Variants in SPPL3 observed in about 807,000 individuals in gnomAD.
SPPL3 encodes the protein signal peptide peptidase like 3, also known as signal peptide peptidase-like 3.
A neutral mutation model predicts 42.4 loss-of-function variants in SPPL3; 5 were observed. The observed-to-expected ratio is 0.12, with a 90% CI of 0.06 to 0.25. The LOEUF is 0.25. Among genes scored for constraint, SPPL3 ranks in the 10% least tolerant of loss-of-function variants. The probability of loss-of-function intolerance (pLI) is 1.00; values close to 1 mark genes in which losing one functional copy is unlikely to be tolerated. For synonymous variants in SPPL3, 195 were observed against 181.8 expected (o/e 1.07, Z -0.58); for missense variants, 235 against 489.0 (o/e 0.48, Z 4.90).
In SPPL3 at chr12:120,845,680, C is replaced by T. The variant is rs148203916; in HGVS notation, c.24-34794G>A. Reference sequence around the variant, plus strand: ...CCATGCTTGTGGACAGGTGGAAGGACGCTGGGAAGGGTACCTCAGTGGCTG... The same window carrying T: ...CCATGCTTGTGGACAGGTGGAAGGATGCTGGGAAGGGTACCTCAGTGGCTG... On this transcript the variant is annotated intron_variant, in intron 1 of 10. Coordinates refer to ENST00000353487, the MANE Select transcript of SPPL3 (RefSeq NM_139015.5). 99 of 317,008 alleles carry T rather than the reference C, an allele frequency of 3.1e-4. No homozygotes were observed. The East Asian group carries it at 6.6e-3, about 21-fold the overall frequency. 19.6% of individuals were successfully genotyped at this position (317,008 alleles called of 1,614,324 possible).
chr12:120,766,017 G>A (rs529578530), intron 10 of SPPL3, among the ~76,000 whole-genome samples: 172 of 152,254 alleles, frequency 1.1e-3, no homozygotes, highest in African/African-American at 3.9e-3. Flanking sequence ...ACCAGGTGGT[G>A]TAGTGGTCTA....
rs910269972 is a variant in SPPL3, at chr12:120,826,024, T to A, written c.24-15138A>T. ...AGGGCAAGAGTTAGGACGGGCGCAG[T>A]GGCTCACGCCTGTAATCCCAGCACT... On this transcript the variant is annotated intron_variant, in intron 1 of 10. Coordinates refer to ENST00000353487, the MANE Select transcript of SPPL3 (RefSeq NM_139015.5). 5.5e-5 allele frequency among the ~76,000 whole-genome samples: 6 copies of A among 108,144 alleles called. No homozygotes were observed. In the South Asian group the frequency reaches 1.5e-3, roughly 26 times the overall value. The allele number at this position is 108,144 out of a possible 152,430, so 70.9% of individuals were successfully genotyped here.
chr12:120,790,834 T>TC (rs1869890540), intron 3 of SPPL3, among the ~76,000 whole-genome samples: 1 of 150,762 alleles, frequency 6.6e-6, no homozygotes, highest in Non-Finnish European at 1.5e-5. Context: ...CACTTTTTTT[T>TC]TTTTTGAGAC....
chr12:120,765,244 G>C (rs997132575), intron 10 of SPPL3, among the ~76,000 whole-genome samples, 174 bp from the exon 11 acceptor site: 9 of 151,154 alleles, frequency 6.0e-5, no homozygotes, highest in African/African-American at 1.9e-4. Context: ...CTTCCAAAGT[G>C]CTAGGATTAC....
intron 5 of SPPL3, 62 bp from the exon 6 acceptor site, chr12:120,782,829 T>G (rs908152508): frequency 7.9e-7 from 1 of 1,260,560 alleles, no homozygotes; most frequent in Non-Finnish European, 1.1e-6. Context: ...CAAATTCTCC[T>G]TTGGTATTTC....
chr12:120,869,828 A>G (rs1187545747), intron 1 of SPPL3, among the ~76,000 whole-genome samples: 1 of 152,244 alleles, frequency 6.6e-6, no homozygotes, highest in Non-Finnish European at 1.5e-5. Flanking sequence ...AGTACAAACA[A>G]GAATGAGAAC....
intron 1 of SPPL3, among the ~76,000 whole-genome samples, chr12:120,886,223 A>G (rs1183110473): frequency 6.6e-6 from 1 of 152,086 alleles, no homozygotes. Context: ...TCTATACAAC[A>G]GCCCACTCTG....
intron 2 of SPPL3, among the ~76,000 whole-genome samples, chr12:120,797,405 A>C (rs1350550186): frequency 2.0e-5 from 3 of 152,182 alleles, no homozygotes; most frequent in African/African-American, 7.2e-5. Context: ...GAAAATAAGT[A>C]TGACGGGAAA....
intron 1 of SPPL3, among the ~76,000 whole-genome samples, chr12:120,861,861 G>T (rs1262806321): frequency 6.6e-6 from 1 of 152,218 alleles, no homozygotes; most frequent in Non-Finnish European, 1.5e-5. Flanking sequence ...GGAGTTAGGG[G>T]TAAGAGAGGG....
At chr12:120,852,046 T>C (rs1294876414) in intron 1 of SPPL3, among the ~76,000 whole-genome samples, 5 of 152,034 alleles carry the variant, frequency 3.3e-5, no homozygotes, top group African/African-American at 9.7e-5. Flanking sequence ...TTAGTTTGTA[T>C]GATATCTAAC....
intron 1 of SPPL3, among the ~76,000 whole-genome samples, chr12:120,872,806 T>C (rs898437362): frequency 2.0e-5 from 3 of 152,094 alleles, no homozygotes; most frequent in African/African-American, 7.2e-5. Context: ...AGTCCAAGGA[T>C]TAAAGGCCGC....
intron 10 of SPPL3, 132 bp downstream of exon 10, chr12:120,766,131 C>T: frequency 1.8e-6 from 1 of 564,236 alleles, no homozygotes; most frequent in East Asian, 3.6e-5. Context: ...CACACACACA[C>T]ACACACACAC....
rs75768616 is a variant in SPPL3 at position 120,780,199 on chromosome 12, G to C, written c.502+2456C>G. Among the ~76,000 whole-genome samples, 511 of 150,660 alleles carry C rather than the reference G, an allele frequency of 3.4e-3. 3 individuals are homozygous for C. Among genetic ancestry groups the C allele is most frequent in the African/African-American group, 0.012 (495 of 41,172 alleles). On this transcript the variant is annotated intron_variant, in intron 6 of 10. Transcript: ENST00000353487. ...CCATCCTGGCCTCTCAAAGTGCTGGGAGCCAATGCACTGGCCCCATCCCAG... is the reference window on the plus strand; with the variant it reads ...CCATCCTGGCCTCTCAAAGTGCTGGCAGCCAATGCACTGGCCCCATCCCAG...
At chr12:120,902,811 T>A (rs1299243378) in intron 1 of SPPL3, among the ~76,000 whole-genome samples, 1 of 152,172 alleles carries the variant, frequency 6.6e-6, no homozygotes, top group African/African-American at 2.4e-5. Context: ...TGCCATTTCT[T>A]GCTTCCTCAC....
intron 2 of SPPL3, among the ~76,000 whole-genome samples, chr12:120,800,483 A>G (rs1870253758): frequency 1.3e-5 from 2 of 152,178 alleles, no homozygotes; most frequent in Non-Finnish European, 2.9e-5. Flanking sequence ...ACCCTGGGCA[A>G]AAGAATGAAA....
chr12:120,901,823 C>T (rs1873994555), intron 1 of SPPL3: 2 of 843,368 alleles, frequency 2.4e-6, no homozygotes, highest in Non-Finnish European at 2.9e-6. Context: ...ACAAAGTAAT[C>T]CCTCCTTAAT....
At chr12:120,816,005 C>T (rs1432352021) in intron 1 of SPPL3, among the ~76,000 whole-genome samples, 1 of 152,200 alleles carries the variant, frequency 6.6e-6, no homozygotes, top group Non-Finnish European at 1.5e-5. Flanking sequence ...GCCAGGATTA[C>T]ATGCGTAAGC....
At chr12:120,873,268 G>A (rs1872983140) in intron 1 of SPPL3, among the ~76,000 whole-genome samples, 1 of 152,164 alleles carries the variant, frequency 6.6e-6, no homozygotes. Context: ...TACCCACAGT[G>A]AAGACTGAAA....
intron 1 of SPPL3, among the ~76,000 whole-genome samples, chr12:120,838,243 G>C (rs563917069): frequency 6.6e-6 from 1 of 152,324 alleles, no homozygotes; most frequent in African/African-American, 2.4e-5. Flanking sequence ...ACAGGCTCGA[G>C]TGCAGTGAAT....
Sources: gnomAD v4.1 joint callset for allele counts (sites outside exome capture counted in the v4.1 genomes callset) on GRCh38, gnomAD v4.1.1 for gene constraint, MANE v1.5 for transcripts, NCBI Gene and HGNC (gene_info 2026-07-23, HGNC 2026-07-21) for gene names.